The following WDR7 variants were observed in gnomAD, a reference collection of about 807,000 sequenced individuals.
The protein encoded by WDR7 is WD repeat-containing protein 7.
Under a neutral mutation model 169.4 loss-of-function variants are expected in WDR7, and 46 were observed. The observed-to-expected ratio is 0.27, with a 90% CI of 0.21 to 0.35. WDR7 has a LOEUF of 0.35. Among genes scored for constraint, WDR7 ranks in the 10% least tolerant of loss-of-function variants. The pLI, the probability that WDR7 is intolerant of heterozygous loss-of-function variation, is 1.00. For synonymous variants in WDR7, 612 were observed against 666.8 expected (o/e 0.92, Z 1.27); for missense variants, 1,534 against 1,859.3 (o/e 0.83, Z 3.22).
intron 20 of WDR7, among the ~76,000 whole-genome samples, chr18:56,817,748 ATTT>A (rs200886693): frequency 6.9e-6 from 1 of 144,134 alleles, no homozygotes; most frequent in Non-Finnish European, 1.5e-5. Flanking sequence ...TTCTTTGCAG[ATTT>A]TTTTTTTTTT....
At chr18:56,994,502 A>T (rs2576419) in intron 26 of WDR7, among the ~76,000 whole-genome samples, 144,069 of 152,106 alleles carry the variant, frequency 0.95, 68,343 homozygotes, top group East Asian at 1. Flanking sequence ...TCATCTTTTT[A>T]AAAAAAAGAG....
chr18:56,853,852 T>C (rs761729751), intron 20 of WDR7, among the ~76,000 whole-genome samples: 10 of 152,230 alleles, frequency 6.6e-5, no homozygotes, highest in Non-Finnish European at 1.3e-4. Flanking sequence ...ATTACAAAGA[T>C]TCATTAGTTT....
chr18:56,892,577 G>C (rs534012854), intron 21 of WDR7, among the ~76,000 whole-genome samples: 1 of 151,894 alleles, frequency 6.6e-6, no homozygotes, highest in East Asian at 1.9e-4. Flanking sequence ...ATGTGTTTAC[G>C]TATTATTAAT....
At chr18:56,703,661 TA>T (rs1358205855) in intron 12 of WDR7, among the ~76,000 whole-genome samples, 1 of 152,100 alleles carries the variant, frequency 6.6e-6, no homozygotes, top group Non-Finnish European at 1.5e-5. Flanking sequence ...ATTTTATTTT[TA>T]AAAATTAAAT....
At chr18:56,813,191 AAC>A (rs1491142554) in intron 19 of WDR7, among the ~76,000 whole-genome samples, 34 of 140,938 alleles carry the variant, frequency 2.4e-4, no homozygotes, top group African/African-American at 9.4e-4. Context: ...AAAAAAAAAA[AAC>A]ATTAAAAAAA....
At chr18:56,998,095 A>T (rs956148526) in intron 26 of WDR7, among the ~76,000 whole-genome samples, 6 of 152,192 alleles carry the variant, frequency 3.9e-5, no homozygotes, top group Admixed American at 1.3e-4. Context: ...ATATTTGGAC[A>T]TCATGGGGCT....
At chr18:56,732,165 A>G (rs2026601021) in intron 14 of WDR7, among the ~76,000 whole-genome samples, 1 of 152,236 alleles carries the variant, frequency 6.6e-6, no homozygotes. Context: ...TTCAGTTAAC[A>G]GAAGATGATC....
intron 16 of WDR7, 39 bp downstream of exon 16, chr18:56,758,992 C>A: frequency 1.3e-6 from 2 of 1,541,250 alleles, no homozygotes; most frequent in South Asian, 1.2e-5. Flanking sequence ...CATGACATTT[C>A]AGCTCTAGAA....
intron 25 of WDR7, among the ~76,000 whole-genome samples, chr18:56,951,729 A>T (rs765049607): frequency 6.6e-6 from 1 of 152,188 alleles, no homozygotes; most frequent in African/African-American, 2.4e-5. Context: ...ACACATGCAC[A>T]TATACATATA....
At chr18:57,011,852 G>A (rs2048141516) in intron 26 of WDR7, among the ~76,000 whole-genome samples, 1 of 152,152 alleles carries the variant, frequency 6.6e-6, no homozygotes, top group African/African-American at 2.4e-5. Context: ...TTCCATTTTG[G>A]TCGATATTTT....
At chr18:56,804,083 A>G (rs1312905362) in intron 19 of WDR7, among the ~76,000 whole-genome samples, 1 of 152,206 alleles carries the variant, frequency 6.6e-6, no homozygotes. Context: ...AACGTGAGCC[A>G]CCACACCTGG....
chr18:56,811,700 A>G (rs1441680152), intron 19 of WDR7, among the ~76,000 whole-genome samples: 2 of 151,884 alleles, frequency 1.3e-5, no homozygotes, highest in African/African-American at 4.8e-5. Context: ...TTGCTTATGG[A>G]TGTTCAGTTG....
chr18:56,857,319 G>C (rs1363250492), intron 20 of WDR7, among the ~76,000 whole-genome samples: 1 of 152,094 alleles, frequency 6.6e-6, no homozygotes, highest in Admixed American at 6.6e-5. Flanking sequence ...GAGTGCAGTG[G>C]TGTGATCTCA....
At chr18:56,916,940 G>T (rs1473492124) in intron 21 of WDR7, among the ~76,000 whole-genome samples, 1 of 152,106 alleles carries the variant, frequency 6.6e-6, no homozygotes, top group African/African-American at 2.4e-5. Context: ...GCTCACGCCT[G>T]TAATCCCAGT....
chr18:56,744,779 G>A (rs967636002), intron 14 of WDR7, among the ~76,000 whole-genome samples: 4 of 152,160 alleles, frequency 2.6e-5, no homozygotes, highest in Non-Finnish European at 5.9e-5. Flanking sequence ...GTTCCCAGAT[G>A]GTTCCCACCT....
chr18:56,812,097 C>T (rs1290448088), intron 19 of WDR7, among the ~76,000 whole-genome samples: 1 of 152,136 alleles, frequency 6.6e-6, no homozygotes, highest in Non-Finnish European at 1.5e-5. Context: ...ATTCCATGAA[C>T]ACAGTGTAAT....
At chr18:56,945,927 C>G (rs190659880) in intron 25 of WDR7, among the ~76,000 whole-genome samples, 1 of 152,204 alleles carries the variant, frequency 6.6e-6, no homozygotes, top group East Asian at 1.9e-4. Context: ...TGAATAAACT[C>G]AGAATTTCTA....
chr18:56,980,073 A>C (rs1403889128), intron 26 of WDR7, among the ~76,000 whole-genome samples: 1 of 152,158 alleles, frequency 6.6e-6, no homozygotes, highest in African/African-American at 2.4e-5. Flanking sequence ...TGGCAATTAC[A>C]CATGCTCCAG....
intron 19 of WDR7, among the ~76,000 whole-genome samples, chr18:56,784,169 A>G (rs1383471655): frequency 6.6e-6 from 1 of 152,146 alleles, no homozygotes; most frequent in Non-Finnish European, 1.5e-5. Flanking sequence ...AGGCCAGGAG[A>G]GATTAAAGAA....
Sources: gnomAD v4.1 joint callset for allele counts (sites outside exome capture counted in the v4.1 genomes callset) on GRCh38, gnomAD v4.1.1 for gene constraint, MANE v1.5 for transcripts, NCBI Gene and HGNC (gene_info 2026-07-23, HGNC 2026-07-21) for gene names.